The following PPP2CA variants were observed in gnomAD, a reference collection of about 807,000 sequenced individuals.
The protein encoded by PPP2CA is serine/threonine-protein phosphatase 2A catalytic subunit alpha isoform.
In PPP2CA, 5 loss-of-function variants were observed where a neutral mutation model predicts 38.8. The ratio of observed to expected loss-of-function variants is 0.13; its 90% CI spans 0.07 to 0.27. The LOEUF (loss-of-function observed/expected upper bound fraction) is 0.27, where lower values mean the gene tolerates loss of function less well. PPP2CA is among the 10% of genes least tolerant of loss of function. PPP2CA has a pLI of 1.00. For synonymous variants in PPP2CA, 152 were observed against 134.0 expected, an observed-to-expected ratio of 1.13 and a Z score of -0.93; for missense variants, 88 against 389.7, an observed-to-expected ratio of 0.23 and a Z score of 6.52.
Position 134,197,632 on chromosome 5 carries a change from T to C in PPP2CA, c.*140A>G, listed in dbSNP as rs1761881871. On this transcript the variant is annotated 3_prime_UTR_variant, in exon 7 of 7. Coordinates refer to ENST00000481195, the MANE Select transcript of PPP2CA (RefSeq NM_002715.4). ...TGACAAGAGGCTTTGTATTTTTATA[T>C]GGCACATCTTTTGGTCCATGTGAAA... The C allele has an allele frequency of 4.5e-6, 3 of 662,746 alleles. No individual in the cohort carries two copies. Among genetic ancestry groups the C allele is most frequent in the Admixed American group, 2.5e-5 (1 of 39,734 alleles). 41.1% of individuals were successfully genotyped at this position (662,746 alleles called of 1,614,324 possible).
chr5:134,224,492 C>T (rs950596664), intron 1 of PPP2CA: 72 of 353,010 alleles, frequency 2.0e-4, no homozygotes, highest in South Asian at 1.4e-3. Context: ...CACATCAAAC[C>T]AGAAACAAAT....
rs1251635552 is a variant in PPP2CA at position 134,225,775 on chromosome 5, C to T, written c.87G>A (p.Lys29=). Reference sequence around the variant, plus strand: ...TACAGCTCACCTTCTCGCAGAGGCTCTTGACCTGGGACTCGGACAGCTGCT... The same window carrying T: ...TACAGCTCACCTTCTCGCAGAGGCTTTTGACCTGGGACTCGGACAGCTGCT... The part of the protein sequence containing the change: ...ECKQLSESQV[K]SLCEKAKEIL... Residue 29 remains lysine, a synonymous_variant, in exon 1 of 7, where the codon AAG becomes AAA. Transcript: ENST00000481195. The T allele has an allele frequency of 6.2e-7, 1 of 1,609,060 alleles. No individual in the cohort carries two copies. The highest frequency in any genetic ancestry group is 8.5e-7 in the Non-Finnish European group (1 of 1,178,766).
intron 1 of PPP2CA, among the ~76,000 whole-genome samples, chr5:134,212,019 C>A (rs1762214988): frequency 6.6e-6 from 1 of 152,104 alleles, no homozygotes; most frequent in Non-Finnish European, 1.5e-5. Flanking sequence ...ACTTGGGAGG[C>A]TGAGGTAGGA....
Position 134,194,505 on chromosome 5 carries a change from A to C in PPP2CA, c.*3267T>G, listed in dbSNP as rs1761799280. 1 of 152,310 alleles carries C rather than the reference A, an allele frequency of 6.6e-6. No homozygotes were observed. 9.4% of individuals were successfully genotyped at this position (152,310 alleles called of 1,614,324 possible). On this transcript the variant is annotated 3_prime_UTR_variant, in exon 7 of 7. Coordinates refer to ENST00000481195, the MANE Select transcript of PPP2CA (RefSeq NM_002715.4). ...TTATACTAAACAGGTAAAAGTCACC[A>C]CTGAAACAGAGAGTCGCACGGTACA...
At chr5:134,224,268 T>C (rs1580654456) in intron 1 of PPP2CA, 1 of 455,470 alleles carries the variant, frequency 2.2e-6, no homozygotes. Flanking sequence ...TCATTTGACG[T>C]GAGAGGGTAA....
intron 1 of PPP2CA, among the ~76,000 whole-genome samples, chr5:134,208,239 G>A (rs892282567): frequency 9.2e-5 from 14 of 152,142 alleles, no homozygotes; most frequent in Non-Finnish European, 1.8e-4. Context: ...TATCTGCAAA[G>A]CTATTCTCTG....
chr5:134,222,370 G>A (rs1412935854), intron 1 of PPP2CA, among the ~76,000 whole-genome samples: 3 of 152,144 alleles, frequency 2.0e-5, no homozygotes, highest in African/African-American at 7.2e-5. Context: ...ATATAAGAAT[G>A]TCATCTTGGT....
rs528793860 is a variant in PPP2CA, at chr5:134,226,057, A to T, written c.-196T>A. 1.9e-6 allele frequency: 1 copy of T among 516,574 alleles called. No homozygotes were observed. The highest frequency in any genetic ancestry group is 2.1e-5 in the African/African-American group (1 of 48,748). 32.0% of individuals were successfully genotyped at this position (516,574 alleles called of 1,614,324 possible). On this transcript the variant is annotated 5_prime_UTR_variant, in exon 1 of 7. Transcript: ENST00000481195. ...CTCCTCCTCCGCTCGCTGAGGCTCC[A>T]GAGCTCGGCTCTCTGTAATGGCGGC...
chr5:134,225,708 C>T (rs766513918), intron 1 of PPP2CA, 52 bp downstream of exon 1: 3 of 1,555,766 alleles, frequency 1.9e-6, no homozygotes, highest in Admixed American at 1.7e-5. Flanking sequence ...GCCGCCTTTT[C>T]CTCGGCGGGC....
rs928616600 is a variant in PPP2CA at position 134,195,700 on chromosome 5, T to C, written c.*2072A>G. The C allele has an allele frequency of 2.6e-5, 4 of 152,232 alleles. No individual in the cohort carries two copies. Among genetic ancestry groups the C allele is most frequent in the African/African-American group, 9.6e-5 (4 of 41,466 alleles). 9.4% of individuals were successfully genotyped at this position (152,232 alleles called of 1,614,324 possible). A position where few individuals can be genotyped will look rare whatever the true frequency, so the allele number is the denominator to read the frequency against. ...ATTTACTAACACATTTTCCTTACCA[T>C]AGCCATTTTCAAAAGAAGGTAGGGT... is the stretch of plus-strand genomic sequence containing the variant. On this transcript the variant is annotated 3_prime_UTR_variant, in exon 7 of 7. Transcript: ENST00000481195.
intron 1 of PPP2CA, among the ~76,000 whole-genome samples, chr5:134,210,617 GT>G (rs748049428): frequency 3.0e-4 from 46 of 152,194 alleles, no homozygotes; most frequent in Non-Finnish European, 5.7e-4. Flanking sequence ...GCCAAGGCAG[GT>G]GGATCATTTG....
intron 1 of PPP2CA, among the ~76,000 whole-genome samples, chr5:134,209,447 T>G (rs1762154631): frequency 6.6e-6 from 1 of 152,184 alleles, no homozygotes; most frequent in Admixed American, 6.5e-5. Flanking sequence ...ACCAGAACAG[T>G]AGAACAATAA....
intron 1 of PPP2CA, among the ~76,000 whole-genome samples, 156 bp from the exon 2 acceptor site, chr5:134,206,287 T>C (rs1195958081): frequency 6.6e-6 from 1 of 152,214 alleles, no homozygotes; most frequent in Non-Finnish European, 1.5e-5. Flanking sequence ...GAGATATGAT[T>C]ATAATCCATT....
chr5:134,210,379 T>A (rs566067472), intron 1 of PPP2CA, among the ~76,000 whole-genome samples: 2 of 152,340 alleles, frequency 1.3e-5, no homozygotes, highest in East Asian at 3.9e-4. Context: ...TACTCTGGCA[T>A]TTTGACTTCT....
chr5:134,225,010 T>C (rs1404500307), intron 1 of PPP2CA, among the ~76,000 whole-genome samples: 1 of 152,374 alleles, frequency 6.6e-6, no homozygotes, highest in African/African-American at 2.4e-5. Context: ...TAGAGAAGGC[T>C]TTGAGTCAGC....
intron 6 of PPP2CA, among the ~76,000 whole-genome samples, chr5:134,198,395 AAAAC>A (rs70976523): frequency 6.6e-6 from 1 of 150,724 alleles, no homozygotes; most frequent in Non-Finnish European, 1.5e-5. Flanking sequence ...TCCGTCTCAA[AAAAC>A]AAACAAACAA....
chr5:134,208,865 T>A (rs1337863417), intron 1 of PPP2CA, among the ~76,000 whole-genome samples: 1 of 152,218 alleles, frequency 6.6e-6, no homozygotes. Flanking sequence ...TCTAACAATA[T>A]ATAATAATAC....
chr5:134,223,066 A>G (rs1561745170), intron 1 of PPP2CA, among the ~76,000 whole-genome samples: 1 of 152,214 alleles, frequency 6.6e-6, no homozygotes, highest in African/African-American at 2.4e-5. Context: ...TACTATTTAA[A>G]TATTTCCCCT....
intron 1 of PPP2CA, among the ~76,000 whole-genome samples, chr5:134,206,898 T>C (rs1292359575): frequency 6.6e-6 from 1 of 152,014 alleles, no homozygotes; most frequent in Non-Finnish European, 1.5e-5. Flanking sequence ...CCCACTACCG[T>C]AGAGGGGAGA....
Sources: allele counts gnomAD v4.1 joint callset (sites outside exome capture counted in the v4.1 genomes callset), GRCh38; gene constraint gnomAD v4.1.1; transcripts MANE v1.5; gene names NCBI Gene and HGNC (gene_info 2026-07-23, HGNC 2026-07-21).